Variants in LPAR1 observed in about 807,000 individuals in gnomAD.
LPAR1 encodes lysophosphatidic acid receptor 1.
In LPAR1, 5 loss-of-function variants were observed where a neutral mutation model predicts 23.8. The ratio of observed to expected loss-of-function variants is 0.21; its 90% CI spans 0.11 to 0.44. The LOEUF is 0.44. Among genes scored for constraint, LPAR1 ranks in the 20% least tolerant of loss-of-function variants. LPAR1 has a pLI of 0.99. For missense variants in LPAR1, 311 were observed against 482.8 expected (o/e 0.64, Z 3.33); for synonymous variants, 160 against 164.7 (o/e 0.97, Z 0.22).
intron 5 of LPAR1, among the ~76,000 whole-genome samples, chr9:110,894,395 C>A (rs2085564113): frequency 6.6e-6 from 1 of 152,210 alleles, no homozygotes; most frequent in Non-Finnish European, 1.5e-5. Flanking sequence ...GATCTACTTT[C>A]AGCACTATTG....
intron 5 of LPAR1, among the ~76,000 whole-genome samples, chr9:110,927,711 T>A (rs1408319512): frequency 6.6e-6 from 1 of 152,074 alleles, no homozygotes; most frequent in Non-Finnish European, 1.5e-5. Context: ...CAAGGAAAAG[T>A]AAACGTGAGA....
At chr9:111,015,295 G>T (rs1471490223) in intron 2 of LPAR1, among the ~76,000 whole-genome samples, 1 of 152,050 alleles carries the variant, frequency 6.6e-6, no homozygotes, top group Non-Finnish European at 1.5e-5. Context: ...CAACGGTATT[G>T]TCATCCATTC....
rs186672462 is a variant in LPAR1 at position 110,957,980 on chromosome 9, A to G, written c.45+14093T>C. On this transcript the variant is annotated intron_variant, in intron 4 of 5. Coordinates refer to ENST00000683809, the MANE Select transcript of LPAR1 (RefSeq NM_001351411.2). The stretch of plus-strand genomic sequence containing the variant: ...AAATAAAGAAGGCAATCCCCTTTCC[A>G]AAGCTACAAAAATAAAATAAAATAC... Among the ~76,000 whole-genome samples, 30 of 152,332 alleles carry G rather than the reference A, an allele frequency of 2.0e-4. No individual in the cohort carries two copies. The East Asian group carries it at 5.6e-3, about 28-fold the overall frequency.
chr9:110,875,399 G>A lies in LPAR1; in HGVS notation c.*22C>T, dbSNP rs750775133. On this transcript the variant is annotated 3_prime_UTR_variant, in exon 6 of 6. Coordinates refer to ENST00000683809, the MANE Select transcript of LPAR1 (RefSeq NM_001351411.2). ...TTTATCCTCCAAGAGAGGACGGCTG[G>A]TTCCTCATCTCAGTTTCCGTTCTAA... 6.3e-7 allele frequency: 1 copy of A among 1,591,172 alleles called. No homozygotes were observed.
intron 5 of LPAR1, among the ~76,000 whole-genome samples, chr9:110,890,291 TA>T (rs2083704300): frequency 6.6e-6 from 1 of 152,148 alleles, no homozygotes; most frequent in African/African-American, 2.4e-5. Flanking sequence ...ATATAATCGT[TA>T]AAAAAGTTCC....
At chr9:111,002,528 G>A (rs2097146508) in intron 2 of LPAR1, among the ~76,000 whole-genome samples, 1 of 152,138 alleles carries the variant, frequency 6.6e-6, no homozygotes. Flanking sequence ...CTCAATGTGG[G>A]AACATATTTC....
chr9:110,876,121 A>C (rs1313992924), intron 5 of LPAR1, among the ~76,000 whole-genome samples: 1 of 152,202 alleles, frequency 6.6e-6, no homozygotes, highest in Non-Finnish European at 1.5e-5. Flanking sequence ...TTTAATGTTT[A>C]ATTAAGGCAT....
intron 4 of LPAR1, among the ~76,000 whole-genome samples, chr9:110,943,629 G>A (rs1391108050): frequency 2.0e-5 from 3 of 152,272 alleles, no homozygotes; most frequent in African/African-American, 7.2e-5. Flanking sequence ...GGAGGCCAAA[G>A]TGGGTGGATC....
chr9:110,900,778 T>C (rs2088584765), intron 5 of LPAR1, among the ~76,000 whole-genome samples: 1 of 152,214 alleles, frequency 6.6e-6, no homozygotes, highest in Admixed American at 6.5e-5. Flanking sequence ...AGAGTTATAT[T>C]TACTACCTTA....
chr9:110,991,891 C>A (rs1426865104), intron 2 of LPAR1, among the ~76,000 whole-genome samples: 1 of 152,096 alleles, frequency 6.6e-6, no homozygotes, highest in Non-Finnish European at 1.5e-5. Flanking sequence ...CCACTCCTGG[C>A]CAACAGAACC....
intron 5 of LPAR1, among the ~76,000 whole-genome samples, chr9:110,907,637 A>G (rs1304942704): frequency 6.6e-6 from 1 of 152,178 alleles, no homozygotes; most frequent in African/African-American, 2.4e-5. Context: ...ATCTCAGATA[A>G]AGGATATGTG....
chr9:110,957,339 C>CA (rs35370181), intron 4 of LPAR1, among the ~76,000 whole-genome samples: 25,987 of 140,256 alleles, frequency 0.19, 2,380 homozygotes, highest in Non-Finnish European at 0.21. Flanking sequence ...TACTCTGTCT[C>CA]AAAAAAAAAA....
intron 4 of LPAR1, among the ~76,000 whole-genome samples, chr9:110,948,829 G>C (rs1358374720): frequency 6.6e-6 from 1 of 151,852 alleles, no homozygotes; most frequent in Non-Finnish European, 1.5e-5. Flanking sequence ...CCTTGGGCTT[G>C]ACTGAGGCAG....
chr9:110,998,111 T>C (rs989580530), intron 2 of LPAR1, among the ~76,000 whole-genome samples: 2 of 152,190 alleles, frequency 1.3e-5, no homozygotes, highest in African/African-American at 2.4e-5. Flanking sequence ...CAAGTGATGC[T>C]GGTGCTGCTC....
intron 5 of LPAR1, among the ~76,000 whole-genome samples, chr9:110,915,139 A>T (rs942218227): frequency 6.6e-6 from 1 of 152,180 alleles, no homozygotes; most frequent in Non-Finnish European, 1.5e-5. Flanking sequence ...TGTGCTTATG[A>T]TTCATAGTTT....
At chr9:111,015,833 G>A (rs2097433809) in intron 2 of LPAR1, among the ~76,000 whole-genome samples, 1 of 151,346 alleles carries the variant, frequency 6.6e-6, no homozygotes, top group South Asian at 2.1e-4. Flanking sequence ...TGGGTGTTTG[G>A]AGAATAACCT....
chr9:110,887,675 C>T (rs1025196840), intron 5 of LPAR1, among the ~76,000 whole-genome samples: 2 of 152,142 alleles, frequency 1.3e-5, no homozygotes, highest in African/African-American at 4.8e-5. Flanking sequence ...CAATCATAAA[C>T]ATACTTTTTT....
chr9:111,009,873 T>C lies in LPAR1; in HGVS notation c.-182+26249A>G, dbSNP rs146031760. Reference sequence around the variant, plus strand: ...GAAAAGACTTGGTACTTACAAACACTAATAGAGATTTTATTATGGATGCTA... The same window carrying C: ...GAAAAGACTTGGTACTTACAAACACCAATAGAGATTTTATTATGGATGCTA... On this transcript the variant is annotated intron_variant, in intron 2 of 5. Transcript: ENST00000683809. Among the ~76,000 whole-genome samples the C allele has an allele frequency of 9.7e-3, 1,468 of 151,408 alleles. 23 individuals carry two copies. Among genetic ancestry groups the C allele is most frequent in the African/African-American group, 0.033 (1,373 of 41,378 alleles).
At chr9:110,891,655 G>A (rs984757295) in intron 5 of LPAR1, among the ~76,000 whole-genome samples, 5 of 152,142 alleles carry the variant, frequency 3.3e-5, no homozygotes, top group African/African-American at 7.2e-5. Flanking sequence ...TGGGGTGAGG[G>A]AGGGATATAA....
Sources: allele counts gnomAD v4.1 joint callset (sites outside exome capture counted in the v4.1 genomes callset), GRCh38; gene constraint gnomAD v4.1.1; transcripts MANE v1.5; gene names NCBI Gene and HGNC (gene_info 2026-07-23, HGNC 2026-07-21).